The following RABL3 variants were observed in gnomAD, a reference collection of about 807,000 sequenced individuals.
RABL3 encodes rab-like protein 3.
Under a neutral mutation model 31.8 loss-of-function variants are expected in RABL3, and 31 were observed. The observed-to-expected ratio is 0.97, with a 90% CI of 0.73 to 1.31. RABL3 has a LOEUF of 1.31. Ranked by LOEUF, RABL3 falls within the 40% of genes most tolerant of loss-of-function variation. RABL3 has a pLI of 0.00. For missense variants in RABL3, 263 were observed against 279.6 expected (o/e 0.94, Z 0.42); for synonymous variants, 97 against 99.9 (o/e 0.97, Z 0.18).
upstream of RABL3, chr3:120,742,564 T>C: frequency 1.3e-6 from 2 of 1,575,664 alleles, no homozygotes; most frequent in Admixed American, 1.7e-5. Context: ...CCAATCAGAG[T>C]TGGGCATGGA....
intron 2 of RABL3, among the ~76,000 whole-genome samples, chr3:120,723,281 G>A (rs962817177): frequency 6.6e-5 from 10 of 152,230 alleles, no homozygotes; most frequent in African/African-American, 2.4e-4. Flanking sequence ...ACCAATAACA[G>A]GCTAGGAAAT....
At chr3:120,710,823 T>C (rs867982613) in intron 2 of RABL3, among the ~76,000 whole-genome samples, 1 of 152,148 alleles carries the variant, frequency 6.6e-6, no homozygotes, top group African/African-American at 2.4e-5. Context: ...CCAGCTACCA[T>C]GCCACTTTCC....
chr3:120,690,513 CTTAGCACACA>C (rs1708368457), intron 6 of RABL3, 26 bp from the exon 7 acceptor site: 1 of 1,585,332 alleles, frequency 6.3e-7, no homozygotes, highest in Non-Finnish European at 8.6e-7. Context: ...ATTTTAAAGG[CTTAGCACACA>C]TACCTGCAAA....
At chr3:120,695,910 C>A (rs1305902262) in intron 5 of RABL3, among the ~76,000 whole-genome samples, 2 of 152,082 alleles carry the variant, frequency 1.3e-5, no homozygotes, top group South Asian at 4.1e-4. Flanking sequence ...GGTCGACCAG[C>A]CTAGAGAAAC....
intron 7 of RABL3, among the ~76,000 whole-genome samples, chr3:120,690,242 C>G (rs1017176022): frequency 6.6e-6 from 1 of 152,088 alleles, no homozygotes; most frequent in Non-Finnish European, 1.5e-5. Flanking sequence ...ATAATGTAAT[C>G]TTATTCCTAG....
chr3:120,734,776 A>C (rs1395290816), intron 1 of RABL3, among the ~76,000 whole-genome samples: 1 of 151,916 alleles, frequency 6.6e-6, no homozygotes. Flanking sequence ...TTTGTCAAAG[A>C]CCTTTTCTGC....
At chr3:120,690,571 G>C (rs769972718) in intron 6 of RABL3, 84 bp from the exon 7 acceptor site, 40 of 887,342 alleles carry the variant, frequency 4.5e-5, no homozygotes, top group Non-Finnish European at 7.1e-5. Context: ...GGTACTAAAA[G>C]GAATATATCC....
chr3:120,736,107 TTC>T (rs1175366655), intron 1 of RABL3, among the ~76,000 whole-genome samples: 1 of 152,186 alleles, frequency 6.6e-6, no homozygotes, highest in Non-Finnish European at 1.5e-5. Context: ...CTTGTTAACT[TTC>T]TGTCTTGTTG....
intron 1 of RABL3, among the ~76,000 whole-genome samples, chr3:120,736,923 G>T (rs997407967): frequency 2.6e-5 from 4 of 152,116 alleles, no homozygotes. Flanking sequence ...TCCCTTTGTG[G>T]GTAACCTGAC....
At chr3:120,693,222 T>C (rs1708400420) in intron 6 of RABL3, among the ~76,000 whole-genome samples, 1 of 152,174 alleles carries the variant, frequency 6.6e-6, no homozygotes, top group African/African-American at 2.4e-5. Flanking sequence ...ATTTTCCTAG[T>C]GGCCTAATAT....
intron 4 of RABL3, among the ~76,000 whole-genome samples, chr3:120,702,716 C>T (rs1047111419): frequency 6.6e-6 from 1 of 152,048 alleles, no homozygotes; most frequent in Admixed American, 6.5e-5. Context: ...CGCCACAACG[C>T]CTGGCTAATC....
chr3:120,708,875 A>T (rs915012349), intron 3 of RABL3, among the ~76,000 whole-genome samples: 4 of 152,004 alleles, frequency 2.6e-5, no homozygotes, highest in African/African-American at 9.7e-5. Flanking sequence ...TATGTATCCA[A>T]TGAAAAGAAC....
intron 1 of RABL3, among the ~76,000 whole-genome samples, chr3:120,735,826 T>C (rs1177541973): frequency 6.6e-6 from 1 of 152,156 alleles, no homozygotes; most frequent in African/African-American, 2.4e-5. Flanking sequence ...CAGGAGTAGG[T>C]TGTTCAGTTT....
At chr3:120,703,876 G>C (rs1708520923) in intron 4 of RABL3, among the ~76,000 whole-genome samples, 1 of 152,058 alleles carries the variant, frequency 6.6e-6, no homozygotes, top group East Asian at 1.9e-4. Flanking sequence ...TAAATAACTT[G>C]AACAATCCTA....
chr3:120,693,845 T>A (rs1035547566), intron 6 of RABL3, among the ~76,000 whole-genome samples: 3 of 151,942 alleles, frequency 2.0e-5, no homozygotes, highest in Non-Finnish European at 4.4e-5. Context: ...GGAGGGTGAA[T>A]AAGTGAAAAA....
intron 6 of RABL3, among the ~76,000 whole-genome samples, chr3:120,691,791 C>A (rs749461517): frequency 5.9e-5 from 9 of 152,156 alleles, no homozygotes; most frequent in Non-Finnish European, 1.3e-4. Context: ...AATTATGCAG[C>A]TAAGAGTTCC....
intron 1 of RABL3, among the ~76,000 whole-genome samples, chr3:120,733,510 G>T (rs545049081): frequency 6.6e-6 from 1 of 152,104 alleles, no homozygotes; most frequent in Non-Finnish European, 1.5e-5. Flanking sequence ...TCTGTAGGTT[G>T]CCTGTTCACT....
chr3:120,725,497 C>T (rs1250120058), intron 2 of RABL3, among the ~76,000 whole-genome samples: 10 of 152,170 alleles, frequency 6.6e-5, no homozygotes, highest in African/African-American at 1.7e-4. Context: ...CACATGCACA[C>T]GTATGTTTAC....
chr3:120,698,409 G>A lies in RABL3; in HGVS notation c.534+14C>T, dbSNP rs768274864. On this transcript the variant is annotated intron_variant, in intron 5 of 7. Coordinates refer to ENST00000273375, the MANE Select transcript of RABL3 (RefSeq NM_173825.5). Reference sequence around the variant, plus strand: ...CCGATAATAATACAAGCATGCATTAGTGAAAATACATACCAAATTAATTTC... The same window carrying A: ...CCGATAATAATACAAGCATGCATTAATGAAAATACATACCAAATTAATTTC... 7.5e-6 allele frequency: 12 copies of A among 1,608,242 alleles called. No individual in the cohort carries two copies. The East Asian group carries it at 1.6e-4, about 21-fold the overall frequency.
Sources: gnomAD v4.1 joint callset for allele counts (sites outside exome capture counted in the v4.1 genomes callset) on GRCh38, gnomAD v4.1.1 for gene constraint, MANE v1.5 for transcripts, NCBI Gene and HGNC (gene_info 2026-07-23, HGNC 2026-07-21) for gene names.